The following BCKDHB variants were observed in gnomAD, a reference collection of about 807,000 sequenced individuals.
The protein encoded by BCKDHB is 2-oxoisovalerate dehydrogenase subunit beta, mitochondrial.
In BCKDHB, 41 loss-of-function variants were observed where a neutral mutation model predicts 48.5. The ratio of observed to expected loss-of-function variants is 0.85; its 90% CI spans 0.66 to 1.10. The LOEUF (loss-of-function observed/expected upper bound fraction) is 1.10. Among genes scored for constraint, BCKDHB ranks in the 50% least tolerant of loss-of-function variants. BCKDHB has a pLI of 0.00. For missense variants in BCKDHB, 496 were observed against 494.2 expected (o/e 1.00, Z -0.03); for synonymous variants, 201 against 174.8 (o/e 1.15, Z -1.18).
At chr6:80,414,204 A>G in the BCKDHB span, among the ~76,000 whole-genome samples, 1 of 151,764 alleles carries the variant, frequency 6.6e-6, no homozygotes, top group Non-Finnish European at 1.5e-5. Flanking sequence ...TTATTAGACG[A>G]TTGTCAGATG....
the BCKDHB span, among the ~76,000 whole-genome samples, chr6:80,451,137 C>A: frequency 6.6e-6 from 1 of 152,142 alleles, no homozygotes; most frequent in Non-Finnish European, 1.5e-5. Context: ...CTAAAGTTTT[C>A]TTTCCCCGGT....
At position 80,235,960 on chromosome 6, in the gene BCKDHB, AG is replaced by A. The variant is rs1415985354; in HGVS notation, c.951+32749del. On this transcript the variant is annotated intron_variant, in intron 8 of 9. Transcript: ENST00000320393. ...ACTCAGATATTAATGACTAATTGCC[AG>A]TAAGATCAGGCAATGCTGGTCAACC... Among the ~76,000 whole-genome samples, 5 of 152,192 alleles carry A rather than the reference AG, an allele frequency of 3.3e-5. No homozygotes were observed. The East Asian group carries it at 9.6e-4, about 29-fold the overall frequency.
chr6:80,168,615 AGGAG>A lies in BCKDHB; in HGVS notation c.478-240_478-237del, dbSNP rs1301178571. Among the ~76,000 whole-genome samples the A allele has an allele frequency of 2.0e-4, 12 of 61,490 alleles. No individual in the cohort carries two copies. In the East Asian group the frequency reaches 4.0e-3, roughly 20 times the overall value. 40.3% of individuals were successfully genotyped at this position (61,490 alleles called of 152,430 possible). A position where few individuals can be genotyped will look rare whatever the true frequency, so the allele number is the denominator to read the frequency against. ...GGGAAAGGAAGGAAGAAAGGAAGGA[AGGAG>A]GGAGGGAGGGAGGGAGGGACGAGAC... On this transcript the variant is annotated intron_variant, in intron 4 of 9. Transcript: ENST00000320393.
chr6:80,443,571 A>AT, the BCKDHB span: 20 of 152,084 alleles, frequency 1.3e-4, no homozygotes, highest in African/African-American at 4.8e-4. Context: ...TTATATTTGG[A>AT]TTTTTTTGGT....
the BCKDHB span, among the ~76,000 whole-genome samples, chr6:80,455,059 T>C: frequency 0.018 from 2,683 of 152,220 alleles, 95 homozygotes; most frequent in African/African-American, 0.06. Flanking sequence ...TCCGGCCTCC[T>C]CTCCCATTTA....
chr6:80,376,793 C>A, the BCKDHB span, among the ~76,000 whole-genome samples: 2 of 152,098 alleles, frequency 1.3e-5, no homozygotes, highest in Admixed American at 6.5e-5. Context: ...GAAAGAGCAA[C>A]TTGTCTTGAT....
chr6:80,264,342 TAATA>T (rs1314600401), intron 8 of BCKDHB, among the ~76,000 whole-genome samples: 1 of 152,206 alleles, frequency 6.6e-6, no homozygotes. Context: ...AGATTGTATG[TAATA>T]AATAAGATGA....
At chr6:80,149,224 C>A (rs1163102347) in intron 3 of BCKDHB, among the ~76,000 whole-genome samples, 2 of 152,154 alleles carry the variant, frequency 1.3e-5, no homozygotes, top group Non-Finnish European at 2.9e-5. Context: ...AAAGAATGCT[C>A]ACCATCACTG....
At chr6:80,280,844 T>G (rs1318528879) in intron 9 of BCKDHB, among the ~76,000 whole-genome samples, 3 of 152,042 alleles carry the variant, frequency 2.0e-5, no homozygotes, top group African/African-American at 7.2e-5. Context: ...TTTCAGATAG[T>G]AGGAGAGAGA....
At chr6:80,390,008 C>A in the BCKDHB span, among the ~76,000 whole-genome samples, 2 of 152,146 alleles carry the variant, frequency 1.3e-5, no homozygotes, top group Non-Finnish European at 2.9e-5. Context: ...CCAGGAGACA[C>A]AACAATCCCA....
intron 9 of BCKDHB, among the ~76,000 whole-genome samples, chr6:80,300,429 A>T (rs1393816452): frequency 6.6e-6 from 1 of 152,252 alleles, no homozygotes; most frequent in Non-Finnish European, 1.5e-5. Context: ...TTACATAATG[A>T]TAAAGGGTAC....
At chr6:80,399,960 C>T in the BCKDHB span, among the ~76,000 whole-genome samples, 1 of 151,976 alleles carries the variant, frequency 6.6e-6, no homozygotes, top group Non-Finnish European at 1.5e-5. Flanking sequence ...CTTGGCAAGC[C>T]TGACAAAAAC....
intron 1 of BCKDHB, among the ~76,000 whole-genome samples, chr6:80,118,070 G>A (rs1014894330): frequency 6.6e-6 from 1 of 152,048 alleles, no homozygotes. Flanking sequence ...CACTGTGATT[G>A]GGAAAAATGT....
chr6:80,265,622 G>A (rs111741492), intron 8 of BCKDHB, among the ~76,000 whole-genome samples: 2,327 of 152,128 alleles, frequency 0.015, 79 homozygotes, highest in African/African-American at 0.052. Flanking sequence ...GAGACGGATG[G>A]TCGTGATGGT....
intron 6 of BCKDHB, among the ~76,000 whole-genome samples, chr6:80,172,548 A>AT (rs1002254180): frequency 2.0e-5 from 3 of 151,958 alleles, no homozygotes; most frequent in African/African-American, 7.3e-5. Context: ...CATCAAGGTA[A>AT]TTTTTTGTGA....
chr6:80,305,220 T>C (rs1032191106), intron 9 of BCKDHB, among the ~76,000 whole-genome samples: 2 of 152,142 alleles, frequency 1.3e-5, no homozygotes, highest in African/African-American at 4.8e-5. Flanking sequence ...GTATCTATGG[T>C]AGTGACTATA....
At chr6:80,163,668 A>G (rs948479634) in intron 3 of BCKDHB, among the ~76,000 whole-genome samples, 1 of 152,062 alleles carries the variant, frequency 6.6e-6, no homozygotes, top group African/African-American at 2.4e-5. Flanking sequence ...AAGACTTCCA[A>G]CTTATATCCA....
intron 6 of BCKDHB, among the ~76,000 whole-genome samples, chr6:80,195,658 T>C (rs563139965): frequency 3.3e-5 from 5 of 152,324 alleles, no homozygotes; most frequent in African/African-American, 1.2e-4. Context: ...GTTCACACTT[T>C]GTTCCAATAA....
At position 80,203,189 on chromosome 6, in the gene BCKDHB, T is replaced by C; in HGVS notation, c.928T>C (p.Trp310Arg). ...CATTGATCTGAGGACTATAATACCT[T>C]GGGATGTGGACACAATTTGTAAGGT... ...EVIDLRTIIPWDVDTICKSVI... is the reference protein window; with the variant it reads ...EVIDLRTIIPRDVDTICKSVI... The change falls in exon 8 of 10, where the codon TGG (tryptophan) becomes CGG (arginine). Residue 310 changes from tryptophan (W) to arginine (R), a missense_variant. Transcript: ENST00000320393. The C allele has an allele frequency of 6.2e-7, 1 of 1,609,274 alleles. No homozygotes were observed. The highest frequency in any genetic ancestry group is 8.5e-7 in the Non-Finnish European group (1 of 1,175,858).
Sources: allele counts gnomAD v4.1 joint callset (sites outside exome capture counted in the v4.1 genomes callset), GRCh38; gene constraint gnomAD v4.1.1; transcripts MANE v1.5; gene names NCBI Gene and HGNC (gene_info 2026-07-23, HGNC 2026-07-21).